AGMO: variants seen among roughly 807,000 people sequenced by gnomAD.
AGMO encodes alkylglycerol monooxygenase.
Under a neutral mutation model 60.2 loss-of-function variants are expected in AGMO, and 75 were observed. The observed-to-expected ratio is 1.25, with a 90% confidence interval of 1.03 to 1.51. The LOEUF is 1.51. Ranked by LOEUF, AGMO falls within the 40% of genes most tolerant of loss-of-function variation. AGMO has a pLI of 0.00. For missense variants in AGMO, 763 were observed against 525.5 expected, an observed-to-expected ratio of 1.45 and a Z score of -4.42; for synonymous variants, 261 against 177.1, an observed-to-expected ratio of 1.47 and a Z score of -3.76.
At chr7:15,520,913 G>T (rs1179425687) in intron 3 of AGMO, among the ~76,000 whole-genome samples, 1 of 152,014 alleles carries the variant, frequency 6.6e-6, no homozygotes, top group East Asian at 1.9e-4. Flanking sequence ...TACAAGAGCA[G>T]ATTTTTTGAA....
At chr7:15,204,478 G>A (rs114336134) in intron 12 of AGMO, among the ~76,000 whole-genome samples, 1,616 of 152,224 alleles carry the variant, frequency 0.011, 26 homozygotes, top group African/African-American at 0.036. Context: ...TGCAATATTT[G>A]TCTCTAATCT....
At chr7:15,318,894 A>G (rs1039667786) in intron 12 of AGMO, among the ~76,000 whole-genome samples, 1 of 152,124 alleles carries the variant, frequency 6.6e-6, no homozygotes, top group Non-Finnish European at 1.5e-5. Context: ...CTTGCTAATT[A>G]CAACACTTGA....
intron 12 of AGMO, among the ~76,000 whole-genome samples, chr7:15,248,194 A>ATG (rs71549926): frequency 1.4e-5 from 1 of 73,760 alleles, no homozygotes; most frequent in Non-Finnish European, 2.6e-5. Flanking sequence ...ATATATATAT[A>ATG]TATATATATA....
chr7:15,379,091 T>C (rs1783573567), intron 10 of AGMO, among the ~76,000 whole-genome samples: 1 of 151,876 alleles, frequency 6.6e-6, no homozygotes, highest in South Asian at 2.1e-4. Context: ...ACACACAACA[T>C]ACCAGAATCT....
At chr7:15,362,282 C>T (rs1160642488) in intron 12 of AGMO, among the ~76,000 whole-genome samples, 1 of 151,564 alleles carries the variant, frequency 6.6e-6, no homozygotes, top group African/African-American at 2.4e-5. Flanking sequence ...TAATTTTTAC[C>T]ATGTTTAGCT....
intron 3 of AGMO, among the ~76,000 whole-genome samples, chr7:15,441,361 C>T (rs750976535): frequency 5.7e-4 from 87 of 152,246 alleles, no homozygotes; most frequent in Admixed American, 1.0e-3. Context: ...AATCTTTTAT[C>T]TACTTAATGA....
At chr7:15,429,763 T>A (rs1274757959) in intron 4 of AGMO, among the ~76,000 whole-genome samples, 1 of 152,028 alleles carries the variant, frequency 6.6e-6, no homozygotes, top group Non-Finnish European at 1.5e-5. Flanking sequence ...CACATGCCAG[T>A]GTATTTTTCT....
chr7:15,402,923 G>A (rs537472466), intron 5 of AGMO, among the ~76,000 whole-genome samples: 2 of 151,540 alleles, frequency 1.3e-5, no homozygotes, highest in Non-Finnish European at 3.0e-5. Flanking sequence ...GGTTTTAAAA[G>A]TGAAAAGAAA....
At chr7:15,138,618 T>A in the AGMO span, among the ~76,000 whole-genome samples, 2 of 152,110 alleles carry the variant, frequency 1.3e-5, no homozygotes, top group South Asian at 2.1e-4. Flanking sequence ...GCACATACAA[T>A]CAAGAGTCAA....
chr7:15,483,481 G>C (rs1782819245), intron 3 of AGMO, among the ~76,000 whole-genome samples: 1 of 152,018 alleles, frequency 6.6e-6, no homozygotes, highest in African/African-American at 2.4e-5. Flanking sequence ...CAGGAGAATG[G>C]CGTGAACCCG....
chr7:15,485,179 G>A, intron 3 of AGMO, among the ~76,000 whole-genome samples: 1 of 150,060 alleles, frequency 6.7e-6, no homozygotes, highest in Admixed American at 6.6e-5. Context: ...TTAGCAGGGC[G>A]TGATGGCGGG....
At chr7:15,180,348 T>C in the AGMO span, among the ~76,000 whole-genome samples, 2 of 152,210 alleles carry the variant, frequency 1.3e-5, no homozygotes, top group African/African-American at 4.8e-5. Flanking sequence ...TTAGATATTT[T>C]TTTTCATATT....
the AGMO span, among the ~76,000 whole-genome samples, chr7:15,186,595 T>A: frequency 1.3e-5 from 2 of 152,224 alleles, no homozygotes; most frequent in Admixed American, 6.5e-5. Context: ...TTTCTTATAG[T>A]TGCAGAAGGA....
chr7:15,380,664 G>A (rs1466321523), intron 10 of AGMO, among the ~76,000 whole-genome samples: 1 of 152,078 alleles, frequency 6.6e-6, no homozygotes. Flanking sequence ...ATTCTTCACA[G>A]AATTAGAAAA....
the AGMO span, among the ~76,000 whole-genome samples, chr7:15,164,629 C>T: frequency 8.6e-4 from 131 of 151,970 alleles, no homozygotes; most frequent in Non-Finnish European, 1.3e-3. Flanking sequence ...AAATGCTCAT[C>T]CTCACTAATT....
chr7:15,335,018 T>C (rs539589223), intron 12 of AGMO, among the ~76,000 whole-genome samples: 3 of 152,254 alleles, frequency 2.0e-5, no homozygotes, highest in South Asian at 2.1e-4. Flanking sequence ...TAGCTTTATG[T>C]TGTAAATTTA....
chr7:15,464,052 T>C (rs773349878), intron 3 of AGMO, among the ~76,000 whole-genome samples: 2 of 152,192 alleles, frequency 1.3e-5, no homozygotes, highest in Admixed American at 6.5e-5. Flanking sequence ...TCTCTAGTAA[T>C]AGCCACGGAG....
At chr7:15,130,331 C>G in the AGMO span, among the ~76,000 whole-genome samples, 2 of 150,884 alleles carry the variant, frequency 1.3e-5, no homozygotes, top group African/African-American at 4.9e-5. Flanking sequence ...TAGTCAAATT[C>G]TATTTTTATT....
At chr7:15,303,955 T>G (rs1780530503) in intron 12 of AGMO, among the ~76,000 whole-genome samples, 1 of 152,166 alleles carries the variant, frequency 6.6e-6, no homozygotes, top group Admixed American at 6.6e-5. Flanking sequence ...AATAGGTCTG[T>G]GGGTATATCT....
Sources: gnomAD v4.1 joint callset for allele counts (sites outside exome capture counted in the v4.1 genomes callset) on GRCh38, gnomAD v4.1.1 for gene constraint, MANE v1.5 for transcripts, NCBI Gene and HGNC (gene_info 2026-07-23, HGNC 2026-07-21) for gene names.